ZNF366: variants seen among roughly 807,000 people sequenced by gnomAD.
The protein encoded by ZNF366 is zinc finger protein 366.
ZNF366 carries 20 observed loss-of-function variants against 47.2 expected under a neutral mutation model. The observed-to-expected ratio is 0.42, with a 90% CI of 0.30 to 0.62. The LOEUF is 0.62. Among genes scored for constraint, ZNF366 ranks in the 20% least tolerant of loss-of-function variants. The pLI, the probability that ZNF366 is intolerant of heterozygous loss-of-function variation, is 0.16. For missense variants in ZNF366, 987 were observed against 976.3 expected, an observed-to-expected ratio of 1.01 and a Z score of -0.15; for synonymous variants, 421 against 395.1, an observed-to-expected ratio of 1.07 and a Z score of -0.78.
intron 1 of ZNF366, among the ~76,000 whole-genome samples, chr5:72,479,064 C>T (rs1354820257): frequency 1.3e-5 from 2 of 152,138 alleles, no homozygotes; most frequent in Non-Finnish European, 1.5e-5. Flanking sequence ...AGTGTAAATC[C>T]AGCCCTTTAT....
chr5:72,458,407 A>C (rs1743234513), intron 2 of ZNF366, among the ~76,000 whole-genome samples: 1 of 152,212 alleles, frequency 6.6e-6, no homozygotes, highest in Admixed American at 6.5e-5. Context: ...CACTGTTTTC[A>C]GAATTCTTTA....
rs996770319 is a variant in ZNF366, at chr5:72,480,993, G to A, written c.-14-19483C>T. On this transcript the variant is annotated intron_variant, in intron 1 of 4. Coordinates refer to ENST00000318442, the MANE Select transcript of ZNF366 (RefSeq NM_152625.3). ...AATTCACAGCTTGTGAACTTCATGT[G>A]GAGAAAGAGTGCGGGAAATATTGAA... Among the ~76,000 whole-genome samples, 10 of 152,190 alleles carry A rather than the reference G, an allele frequency of 6.6e-5. 1 individual carries two copies. The highest frequency in any genetic ancestry group is 4.6e-4 in the Admixed American group (7 of 15,280).
chr5:72,458,137 C>A (rs944336742), intron 2 of ZNF366, among the ~76,000 whole-genome samples: 7 of 151,358 alleles, frequency 4.6e-5, no homozygotes, highest in African/African-American at 1.7e-4. Context: ...CTGCCTCAGC[C>A]TTCCGAGTAG....
chr5:72,455,716 A>G (rs1307381471), intron 3 of ZNF366, among the ~76,000 whole-genome samples: 1 of 152,154 alleles, frequency 6.6e-6, no homozygotes, highest in Non-Finnish European at 1.5e-5. Context: ...TACAAACCCA[A>G]CCAAATTAGT....
chr5:72,501,957 T>C (rs1407641359), intron 1 of ZNF366, among the ~76,000 whole-genome samples: 1 of 152,188 alleles, frequency 6.6e-6, no homozygotes, highest in East Asian at 1.9e-4. Flanking sequence ...CAAGCCCATA[T>C]AGTTCCAGTC....
At chr5:72,482,070 T>C (rs1016750954) in intron 1 of ZNF366, among the ~76,000 whole-genome samples, 8 of 152,236 alleles carry the variant, frequency 5.3e-5, no homozygotes, top group African/African-American at 1.9e-4. Context: ...TAAAGCTTTG[T>C]ATCATTCTTA....
intron 1 of ZNF366, among the ~76,000 whole-genome samples, chr5:72,504,031 C>T (rs1451076059): frequency 6.6e-6 from 1 of 151,966 alleles, no homozygotes; most frequent in Non-Finnish European, 1.5e-5. Context: ...ATCAATCAGG[C>T]ACCACACACA....
At position 72,443,819 on chromosome 5, in the gene ZNF366, A is replaced by T; in HGVS notation, c.2172T>A (p.Asp724Glu). The T allele has an allele frequency of 1.9e-6, 3 of 1,613,712 alleles. No individual in the cohort carries two copies. The highest frequency in any genetic ancestry group is 2.2e-5 in the South Asian group (2 of 91,064). ...FSDYLYFKHR[D>E]ESLKELLERK... ...TCTCCAGTAATTCTTTCAAACTCTCATCTCTGTGCTTGAAGTATAAGTAAT... is the reference window on the plus strand; with the variant it reads ...TCTCCAGTAATTCTTTCAAACTCTCTTCTCTGTGCTTGAAGTATAAGTAAT... Residue 724 changes from aspartate to glutamate, a missense_variant, in exon 5 of 5, where the codon GAT becomes GAA. Asp to Glu is a conservative substitution (Grantham distance 45). Around this residue, in one of 3 missense-constraint regions of ZNF366, gnomAD observed 285 missense variants for 234.8 expected, o/e 1.21. Transcript: ENST00000318442.
chr5:72,488,446 C>T (rs1221354887), intron 1 of ZNF366, among the ~76,000 whole-genome samples: 1 of 152,048 alleles, frequency 6.6e-6, no homozygotes, highest in East Asian at 1.9e-4. Context: ...GCAGCCTTAC[C>T]AAAGTAAGAG....
chr5:72,456,658 T>G, intron 2 of ZNF366, 63 bp from the exon 3 acceptor site: 1 of 1,453,248 alleles, frequency 6.9e-7, no homozygotes, highest in Non-Finnish European at 9.2e-7. Flanking sequence ...ATCAGGATCA[T>G]AGGCTTCATT....
intron 3 of ZNF366, among the ~76,000 whole-genome samples, chr5:72,452,955 C>T (rs1013930962): frequency 6.6e-6 from 1 of 152,086 alleles, no homozygotes; most frequent in Non-Finnish European, 1.5e-5. Flanking sequence ...CAGCTGGCTC[C>T]AAGAAGCACG....
intron 1 of ZNF366, among the ~76,000 whole-genome samples, chr5:72,470,142 G>T: frequency 6.6e-6 from 1 of 152,176 alleles, no homozygotes; most frequent in East Asian, 1.9e-4. Context: ...TAAATCCAAA[G>T]ATTGGTATTG....
At chr5:72,467,285 C>A (rs1440600735) in intron 1 of ZNF366, among the ~76,000 whole-genome samples, 1 of 152,182 alleles carries the variant, frequency 6.6e-6, no homozygotes, top group African/African-American at 2.4e-5. Context: ...TTAAAGGAAT[C>A]TGGGGCTCAG....
rs1742855490 is a variant in ZNF366, at chr5:72,441,670, T to G, written c.*2086A>C. ...ACATGGGTGAGTGATGACAACCAGG[T>G]GGGGCTAATGGGGCAGCACCTTGGC... On this transcript the variant is annotated 3_prime_UTR_variant, in exon 5 of 5. Coordinates refer to ENST00000318442, the MANE Select transcript of ZNF366 (RefSeq NM_152625.3). 6.6e-6 allele frequency: 1 copy of G among 152,106 alleles called. No individual in the cohort carries two copies. Among genetic ancestry groups the G allele is most frequent in the Non-Finnish European group, 1.5e-5 (1 of 68,038 alleles). 9.4% of individuals were successfully genotyped at this position (152,106 alleles called of 1,614,324 possible). A position where few individuals can be genotyped will look rare whatever the true frequency, so the allele number is the denominator to read the frequency against.
intron 1 of ZNF366, among the ~76,000 whole-genome samples, chr5:72,471,322 T>C (rs1241166772): frequency 2.0e-5 from 3 of 152,252 alleles, no homozygotes; most frequent in Non-Finnish European, 2.9e-5. Context: ...ATTTTTATTG[T>C]TCCAAGTCTT....
At chr5:72,472,494 T>G in intron 1 of ZNF366, 1 of 968,972 alleles carries the variant, frequency 1.0e-6, no homozygotes, top group Non-Finnish European at 1.2e-6. Flanking sequence ...TACCAGTGGG[T>G]TCTGTAGAAC....
intron 1 of ZNF366, among the ~76,000 whole-genome samples, chr5:72,468,097 G>T (rs2112334444): frequency 6.6e-6 from 1 of 152,302 alleles, no homozygotes. Flanking sequence ...ATATGAACTT[G>T]TACTGCTGAG....
chr5:72,470,045 A>G (rs1743528514), intron 1 of ZNF366, among the ~76,000 whole-genome samples: 1 of 152,194 alleles, frequency 6.6e-6, no homozygotes, highest in African/African-American at 2.4e-5. Context: ...ACCCCGACTT[A>G]AAAAATAAAT....
At chr5:72,495,002 G>A (rs1014219473) in intron 1 of ZNF366, among the ~76,000 whole-genome samples, 2 of 152,060 alleles carry the variant, frequency 1.3e-5, no homozygotes, top group African/African-American at 4.8e-5. Flanking sequence ...CACATTTTCA[G>A]GAGGAAATTG....
Sources: allele counts gnomAD v4.1 joint callset (sites outside exome capture counted in the v4.1 genomes callset), GRCh38; gene constraint gnomAD v4.1.1; regional missense constraint gnomAD v4.1.1; transcripts MANE v1.5; gene names NCBI Gene and HGNC (gene_info 2026-07-23, HGNC 2026-07-21).